Variants in FARP1 observed in about 807,000 individuals in gnomAD.
The protein encoded by FARP1 is FERM, ARHGEF and pleckstrin domain-containing protein 1.
A neutral mutation model predicts 128.8 loss-of-function variants in FARP1; 52 were observed. The observed-to-expected ratio is 0.40, with a 90% confidence interval of 0.32 to 0.51. The LOEUF (loss-of-function observed/expected upper bound fraction) is 0.51, where lower values mean the gene tolerates loss of function less well. Ranked by LOEUF, FARP1 falls within the 20% of genes least tolerant of loss-of-function variation. The probability of loss-of-function intolerance (pLI) is 0.45; values close to 1 mark genes in which losing one functional copy is unlikely to be tolerated. For missense variants in FARP1, 1,333 were observed against 1,367.9 expected (o/e 0.97, Z 0.40); for synonymous variants, 580 against 551.8 (o/e 1.05, Z -0.72).
chr13:98,239,141 G>A (rs1290075064), intron 2 of FARP1, among the ~76,000 whole-genome samples: 1 of 152,178 alleles, frequency 6.6e-6, no homozygotes, highest in African/African-American at 2.4e-5. Context: ...CAGTTGTGGG[G>A]AAATAACACC....
Position 98,453,079 on chromosome 13 carries a change from G to A in FARP1, c.*4762G>A, listed in dbSNP as rs144449268. The stretch of plus-strand genomic sequence containing the variant: ...GTGGCTCCCAGTGGCGCACCTCTTC[G>A]GTGGAGTCAGCGAAGGCTCTCGTTG... On this transcript the variant is annotated 3_prime_UTR_variant, in exon 27 of 27. Coordinates refer to ENST00000319562, the MANE Select transcript of FARP1 (RefSeq NM_005766.4). The A allele has an allele frequency of 2.3e-4, 343 of 1,462,752 alleles. 1 individual carries two copies. The East Asian group carries it at 6.5e-3, about 28-fold the overall frequency. The allele number at this position is 1,462,752 out of a possible 1,614,324, so 90.6% of individuals were successfully genotyped here.
chr13:98,369,398 G>A (rs1889234745), intron 5 of FARP1, among the ~76,000 whole-genome samples: 2 of 146,410 alleles, frequency 1.4e-5, no homozygotes, highest in Non-Finnish European at 1.5e-5. Flanking sequence ...AAGTTTTAGG[G>A]TACATGTGCA....
At chr13:98,298,317 T>C (rs1885786327) in intron 2 of FARP1, among the ~76,000 whole-genome samples, 1 of 152,238 alleles carries the variant, frequency 6.6e-6, no homozygotes, top group Non-Finnish European at 1.5e-5. Context: ...TCTACGTTCA[T>C]TCGTGTCGCA....
intron 1 of FARP1, among the ~76,000 whole-genome samples, chr13:98,165,395 G>A (rs1156629651): frequency 6.6e-6 from 1 of 151,984 alleles, no homozygotes; most frequent in Non-Finnish European, 1.5e-5. Context: ...GAGGCAGATT[G>A]TAACTATTGA....
chr13:98,368,226 C>G, intron 5 of FARP1, 31 bp downstream of exon 5: 1 of 1,497,372 alleles, frequency 6.7e-7, no homozygotes, highest in South Asian at 1.1e-5. Context: ...GTATTTTTTG[C>G]TACAGAGTAC....
At chr13:98,245,399 A>G (rs1394119756) in intron 2 of FARP1, 57 of 966,762 alleles carry the variant, frequency 5.9e-5, no homozygotes, top group Non-Finnish European at 6.0e-5. Flanking sequence ...TTCAGCTCCC[A>G]TGTTCAGTGT....
chr13:98,368,225 G>A (rs1489321813), intron 5 of FARP1, 30 bp downstream of exon 5: 3 of 1,517,004 alleles, frequency 2.0e-6, no homozygotes, highest in Non-Finnish European at 2.7e-6. Context: ...TGTATTTTTT[G>A]CTACAGAGTA....
chr13:98,252,078 C>A (rs1365269365), intron 2 of FARP1, among the ~76,000 whole-genome samples: 2 of 152,176 alleles, frequency 1.3e-5, no homozygotes, highest in Admixed American at 6.5e-5. Flanking sequence ...AAACTCCTGA[C>A]TTCAAGTGAT....
intron 2 of FARP1, among the ~76,000 whole-genome samples, chr13:98,325,498 A>C (rs1268274462): frequency 6.6e-6 from 1 of 152,198 alleles, no homozygotes; most frequent in Non-Finnish European, 1.5e-5. Flanking sequence ...GCACTGTTCC[A>C]GTTCTTCACT....
intron 2 of FARP1, among the ~76,000 whole-genome samples, chr13:98,336,957 AC>A (rs1407651143): frequency 4.9e-4 from 75 of 152,302 alleles, no homozygotes; most frequent in South Asian, 2.1e-4. Context: ...TATAAGGAGA[AC>A]CCTTCAGGAA....
intron 13 of FARP1, among the ~76,000 whole-genome samples, chr13:98,407,748 T>C (rs1164492243): frequency 6.6e-6 from 1 of 152,202 alleles, no homozygotes; most frequent in Admixed American, 6.5e-5. Context: ...CCAGGTACAG[T>C]GGATCTTCCT....
chr13:98,420,573 G>T (rs1276102646), intron 16 of FARP1, among the ~76,000 whole-genome samples: 1 of 152,212 alleles, frequency 6.6e-6, no homozygotes, highest in Non-Finnish European at 1.5e-5. Flanking sequence ...GCTCCTGGGA[G>T]TAAGTTAATC....
At chr13:98,243,082 C>A (rs1434927900) in intron 2 of FARP1, among the ~76,000 whole-genome samples, 1 of 152,160 alleles carries the variant, frequency 6.6e-6, no homozygotes, top group Admixed American at 6.5e-5. Context: ...TCATTTTCCC[C>A]AGGCTTATAA....
chr13:98,252,518 G>A (rs1883386856), intron 2 of FARP1, among the ~76,000 whole-genome samples: 2 of 152,198 alleles, frequency 1.3e-5, no homozygotes, highest in African/African-American at 4.8e-5. Flanking sequence ...GCCAACAATG[G>A]CCCAGCTAAT....
intron 2 of FARP1, among the ~76,000 whole-genome samples, chr13:98,305,630 G>C (rs1367877986): frequency 6.6e-6 from 1 of 152,156 alleles, no homozygotes; most frequent in African/African-American, 2.4e-5. Context: ...CACCACGCGG[G>C]CCCTGAGAAT....
chr13:98,218,214 A>G (rs1388216399), intron 2 of FARP1, among the ~76,000 whole-genome samples: 1 of 150,740 alleles, frequency 6.6e-6, no homozygotes, highest in African/African-American at 2.4e-5. Context: ...CACCCCGAAC[A>G]CATTGATCAA....
intron 2 of FARP1, 65 bp from the exon 3 acceptor site, chr13:98,343,697 A>C: frequency 1.8e-6 from 2 of 1,108,012 alleles, no homozygotes; most frequent in Non-Finnish European, 2.8e-6. Flanking sequence ...TCCTGCAGCG[A>C]GGAGCTGTGG....
chr13:98,169,933 G>A (rs1296026211), intron 1 of FARP1, among the ~76,000 whole-genome samples: 2 of 151,994 alleles, frequency 1.3e-5, no homozygotes, highest in African/African-American at 4.8e-5. Flanking sequence ...AGGGCTTTAG[G>A]AAGATTCTCT....
chr13:98,268,477 T>C (rs190431710), intron 2 of FARP1, among the ~76,000 whole-genome samples: 1 of 152,294 alleles, frequency 6.6e-6, no homozygotes, highest in African/African-American at 2.4e-5. Flanking sequence ...CCCTTCTCTT[T>C]TATTTTTTGA....
Sources: allele counts gnomAD v4.1 joint callset (sites outside exome capture counted in the v4.1 genomes callset), GRCh38; gene constraint gnomAD v4.1.1; transcripts MANE v1.5; gene names NCBI Gene and HGNC (gene_info 2026-07-23, HGNC 2026-07-21).